Variants in ASTN2 observed in about 807,000 individuals in gnomAD.
The protein encoded by ASTN2 is astrotactin-2.
A neutral mutation model predicts 139.8 loss-of-function variants in ASTN2; 54 were observed. The ratio of observed to expected loss-of-function variants is 0.39; its 90% CI spans 0.31 to 0.48. The LOEUF (loss-of-function observed/expected upper bound fraction) is 0.48, where lower values mean the gene tolerates loss of function less well. Among genes scored for constraint, ASTN2 ranks in the 20% least tolerant of loss-of-function variants. The pLI, the probability that ASTN2 is intolerant of heterozygous loss-of-function variation, is 0.95. For missense variants in ASTN2, 1,565 were observed against 1,725.1 expected (o/e 0.91, Z 1.64); for synonymous variants, 756 against 719.5 (o/e 1.05, Z -0.81).
chr9:117,327,006 G>T (rs750507542), intron 1 of ASTN2, among the ~76,000 whole-genome samples: 2 of 152,170 alleles, frequency 1.3e-5, no homozygotes, highest in Non-Finnish European at 2.9e-5. Context: ...CCACAGACCA[G>T]GGGAGTTGTG....
chr9:116,806,548 G>T (rs1588308866), intron 12 of ASTN2, among the ~76,000 whole-genome samples: 1 of 152,190 alleles, frequency 6.6e-6, no homozygotes, highest in Admixed American at 6.5e-5. Flanking sequence ...TTCTATGAGT[G>T]TCTACCTTTT....
chr9:116,668,522 G>A (rs750289001), intron 16 of ASTN2, among the ~76,000 whole-genome samples: 2 of 152,152 alleles, frequency 1.3e-5, no homozygotes, highest in African/African-American at 4.8e-5. Context: ...ATGCATTTAA[G>A]CTTCCTCCAT....
rs560611299 is a variant in ASTN2 at position 116,806,791 on chromosome 9, C to CA, written c.2208-972dup. ...ATAAGGTCACATGATACATTGGCCA[C>CA]AAAAAAAACAGGAATTGCAATATAC... is the stretch of plus-strand genomic sequence containing the variant. On this transcript the variant is annotated intron_variant, in intron 12 of 22. Transcript: ENST00000313400. 4.5e-3 allele frequency among the ~76,000 whole-genome samples: 680 copies of CA among 150,526 alleles called. 3 individuals carry two copies. The highest frequency in any genetic ancestry group is 0.015 in the African/African-American group (609 of 41,030).
Position 117,414,580 on chromosome 9 carries a change from A to C in ASTN2, c.359T>G (p.Leu120Arg). The C allele has an allele frequency of 3.2e-6, 5 of 1,586,342 alleles. No individual in the cohort carries two copies. The highest frequency in any genetic ancestry group is 4.3e-6 in the Non-Finnish European group (5 of 1,168,338). ...CGGCAGCTCGTTACGCACAAAGAGC[A>C]GGAGGCGCGACTCGGCGGCGGTGCC... ...SAGTAAESRL[L>R]LFVRNELPGR... Residue 120 changes from leucine to arginine, a missense_variant, in exon 1 of 23, where the codon CTG becomes CGG. Transcript: ENST00000313400. This position sits in a 1 kb window ranked among gnomAD's most constrained non-coding sequence, Gnocchi z 4.2.
At chr9:117,257,799 TA>T (rs1833727017) in intron 2 of ASTN2, among the ~76,000 whole-genome samples, 1 of 152,168 alleles carries the variant, frequency 6.6e-6, no homozygotes, top group South Asian at 2.1e-4. Context: ...ACTAAATGTA[TA>T]AAAGAAGAGC....
intron 13 of ASTN2, among the ~76,000 whole-genome samples, chr9:116,749,266 C>G (rs1433587363): frequency 2.0e-5 from 3 of 152,190 alleles, no homozygotes; most frequent in Non-Finnish European, 2.9e-5. Flanking sequence ...TAATTTAACA[C>G]ACTCAAAAAG....
chr9:116,809,911 T>C (rs1831120508), intron 12 of ASTN2, among the ~76,000 whole-genome samples: 1 of 152,216 alleles, frequency 6.6e-6, no homozygotes, highest in South Asian at 2.1e-4. Context: ...ATGGAATCTA[T>C]GCTGACATGA....
chr9:116,687,257 G>A, intron 16 of ASTN2: 1 of 993,906 alleles, frequency 1.0e-6, no homozygotes. Flanking sequence ...GGGAGGCGGG[G>A]CTCAGTGACG....
intron 22 of ASTN2, among the ~76,000 whole-genome samples, chr9:116,429,040 G>A (rs1244940521): frequency 6.6e-6 from 1 of 152,040 alleles, no homozygotes; most frequent in African/African-American, 2.4e-5. Context: ...GCAAAACACA[G>A]AATTAAACCA....
chr9:117,112,572 A>T (rs182287634), intron 4 of ASTN2, among the ~76,000 whole-genome samples: 49 of 152,310 alleles, frequency 3.2e-4, no homozygotes, highest in African/African-American at 9.9e-4. Flanking sequence ...AAAGGAATGA[A>T]CAAAAGCCCA....
At chr9:116,812,349 T>A (rs977106901) in intron 12 of ASTN2, among the ~76,000 whole-genome samples, 3 of 152,152 alleles carry the variant, frequency 2.0e-5, no homozygotes, top group Admixed American at 1.3e-4. Flanking sequence ...TGTCATCACA[T>A]GTTTCCCATA....
intron 7 of ASTN2, among the ~76,000 whole-genome samples, chr9:116,992,360 A>G (rs749653804): frequency 6.7e-5 from 10 of 148,960 alleles, no homozygotes; most frequent in South Asian, 4.8e-4. Flanking sequence ...ACAGTGCCCA[A>G]TCCTACTTGT....
intron 10 of ASTN2, among the ~76,000 whole-genome samples, chr9:116,929,895 TGA>T: frequency 6.6e-6 from 1 of 152,130 alleles, no homozygotes; most frequent in Non-Finnish European, 1.5e-5. Flanking sequence ...GGCCAGCAAA[TGA>T]GACTGTTGAG....
intron 19 of ASTN2, among the ~76,000 whole-genome samples, chr9:116,562,782 G>T (rs1302683346): frequency 1.3e-5 from 2 of 148,414 alleles, no homozygotes; most frequent in South Asian, 4.4e-4. Flanking sequence ...GAAAGCAAAG[G>T]TTATGCGTGA....
At chr9:117,114,431 C>A (rs140293449) in intron 4 of ASTN2, among the ~76,000 whole-genome samples, 243 of 152,282 alleles carry the variant, frequency 1.6e-3, no homozygotes, top group Middle Eastern at 6.8e-3. Flanking sequence ...CATAACAATT[C>A]TTCCTGCAGC....
chr9:116,834,902 A>G (rs56392505), intron 11 of ASTN2, among the ~76,000 whole-genome samples: 3,300 of 152,264 alleles, frequency 0.022, 50 homozygotes, highest in Non-Finnish European at 0.034. Context: ...TGTAAAAATT[A>G]TCCAAGTATT....
At chr9:116,919,231 T>A (rs1034501252) in intron 10 of ASTN2, among the ~76,000 whole-genome samples, 3 of 152,170 alleles carry the variant, frequency 2.0e-5, no homozygotes, top group Non-Finnish European at 4.4e-5. Context: ...AACAAGAAGT[T>A]TGATGTGGTA....
chr9:117,135,015 C>T (rs1416450068), intron 4 of ASTN2, among the ~76,000 whole-genome samples: 1 of 152,222 alleles, frequency 6.6e-6, no homozygotes, highest in Non-Finnish European at 1.5e-5. Context: ...GGAGATGCCT[C>T]ACCTTCTAGA....
chr9:116,983,220 C>T (rs2132538275), intron 7 of ASTN2, among the ~76,000 whole-genome samples: 1 of 152,188 alleles, frequency 6.6e-6, no homozygotes, highest in East Asian at 1.9e-4. Context: ...TCCAAGTGAG[C>T]CACCTTGGGA....
Sources: gnomAD v4.1 joint callset for allele counts (sites outside exome capture counted in the v4.1 genomes callset) on GRCh38, gnomAD v4.1.1 for gene constraint, Gnocchi (gnomAD v3.1) non-coding constraint, MANE v1.5 for transcripts, NCBI Gene and HGNC (gene_info 2026-07-23, HGNC 2026-07-21) for gene names.